Variants in CSMD3 observed in about 807,000 individuals in gnomAD.
The protein encoded by CSMD3 is CUB and Sushi multiple domains 3, also known as CUB and sushi domain-containing protein 3.
Under a neutral mutation model 435.2 loss-of-function variants are expected in CSMD3, and 177 were observed. That is an observed-to-expected ratio of 0.41 (90% CI 0.36 to 0.46). The LOEUF is 0.46. Among genes scored for constraint, CSMD3 ranks in the 20% least tolerant of loss-of-function variants. CSMD3 has a pLI of 0.34. For missense variants in CSMD3, 4,265 were observed against 4,504.6 expected, an observed-to-expected ratio of 0.95 and a Z score of 1.52; for synonymous variants, 1,656 against 1,520.5, an observed-to-expected ratio of 1.09 and a Z score of -2.07.
At chr8:112,488,405 G>A (rs948118322) in intron 31 of CSMD3, among the ~76,000 whole-genome samples, 3 of 152,148 alleles carry the variant, frequency 2.0e-5, no homozygotes, top group East Asian at 3.9e-4. Context: ...AAGAAAAAGC[G>A]AAATGTAGTT....
chr8:112,911,647 G>A (rs998431874), intron 10 of CSMD3, among the ~76,000 whole-genome samples: 5 of 3,992 alleles, frequency 1.3e-3, no homozygotes, highest in Admixed American at 4.8e-3. Context: ...ATATATGTGT[G>A]TGTGTGTGTG....
intron 32 of CSMD3, among the ~76,000 whole-genome samples, chr8:112,417,728 C>G (rs1812064977): frequency 6.6e-6 from 1 of 152,134 alleles, no homozygotes; most frequent in Admixed American, 6.5e-5. Context: ...TAATTATCAG[C>G]TTTCTTTTGG....
intron 53 of CSMD3, among the ~76,000 whole-genome samples, chr8:112,296,583 A>C (rs1483575742): frequency 6.6e-6 from 1 of 151,786 alleles, no homozygotes; most frequent in Non-Finnish European, 1.5e-5. Context: ...AAAAGAAAGA[A>C]AATATATCAA....
intron 27 of CSMD3, among the ~76,000 whole-genome samples, chr8:112,520,027 C>T (rs1001252878): frequency 2.2e-4 from 33 of 152,088 alleles, no homozygotes; most frequent in Non-Finnish European, 4.0e-4. Context: ...AGTCCAAAAA[C>T]CTACATATTT....
intron 6 of CSMD3, among the ~76,000 whole-genome samples, chr8:113,011,406 A>C (rs960128018): frequency 1.3e-5 from 2 of 151,830 alleles, no homozygotes; most frequent in Non-Finnish European, 2.9e-5. Flanking sequence ...TTACCAGGGT[A>C]TGTTTCACAG....
chr8:112,651,195 T>C (rs1197428242), intron 18 of CSMD3, among the ~76,000 whole-genome samples: 2 of 152,208 alleles, frequency 1.3e-5, no homozygotes, highest in Non-Finnish European at 2.9e-5. Context: ...ATATAGGATA[T>C]TTAAACAATG....
At chr8:113,134,883 A>T (rs2091376260) in intron 4 of CSMD3, among the ~76,000 whole-genome samples, 1 of 152,020 alleles carries the variant, frequency 6.6e-6, no homozygotes, top group South Asian at 2.1e-4. Context: ...TGCTGCATTA[A>T]GATATGGCAG....
At position 112,237,287 on chromosome 8, in the gene CSMD3, C is replaced by A. The variant is rs1813676603; in HGVS notation, c.10530G>T (p.Arg3510Ser). 6.2e-7 allele frequency: 1 copy of A among 1,613,386 alleles called. No individual in the cohort carries two copies. The highest frequency in any genetic ancestry group is 8.5e-7 in the Non-Finnish European group (1 of 1,179,486). ...TAACTGTTAAGGTCATGGGTTGTTTCCTTCCTTTGAAATTGTAAGAGCCTT... is the reference window on the plus strand; with the variant it reads ...TAACTGTTAAGGTCATGGGTTGTTTACTTCCTTTGAAATTGTAAGAGCCTT... ...IWKGSYNFKG[R>S]KQPMTLTVTS... The change falls in exon 67 of 71, where the codon AGG (arginine) becomes AGT (serine). Residue 3510 changes from arginine (R) to serine (S), a missense_variant. By Grantham distance (110) the Arg-to-Ser change is moderately radical. This residue lies in a region of CSMD3 where 3,255 missense variants were observed against 3,380.2 expected (regional missense o/e 0.96). Transcript: ENST00000297405.
chr8:113,016,598 A>G (rs2086468905), intron 6 of CSMD3, among the ~76,000 whole-genome samples: 1 of 152,026 alleles, frequency 6.6e-6, no homozygotes, highest in Admixed American at 6.6e-5. Context: ...TTAAATAATT[A>G]TAGGTAAATC....
intron 3 of CSMD3, among the ~76,000 whole-genome samples, chr8:113,229,880 C>T (rs979721796): frequency 6.6e-6 from 1 of 151,494 alleles, no homozygotes; most frequent in Non-Finnish European, 1.5e-5. Context: ...CCTGGTAATG[C>T]TTATTTTACT....
chr8:112,263,839 C>G (rs759019563), intron 60 of CSMD3, 27 bp from the exon 61 acceptor site: 5 of 1,594,718 alleles, frequency 3.1e-6, no homozygotes, highest in Non-Finnish European at 4.3e-6. Flanking sequence ...AGTGATTAGA[C>G]ACAGCTGTTG....
At chr8:113,146,043 C>A (rs2131753189) in intron 4 of CSMD3, among the ~76,000 whole-genome samples, 1 of 151,484 alleles carries the variant, frequency 6.6e-6, no homozygotes, top group Non-Finnish European at 1.5e-5. Flanking sequence ...GTTTTTATTT[C>A]TCAGTTAAAG....
chr8:113,385,377 A>G (rs2133123473), intron 1 of CSMD3, among the ~76,000 whole-genome samples: 1 of 152,244 alleles, frequency 6.6e-6, no homozygotes, highest in Non-Finnish European at 1.5e-5. Flanking sequence ...ACGATTTACC[A>G]ATGTCCTAAA....
chr8:112,592,494 TC>T (rs1423583917), intron 22 of CSMD3, among the ~76,000 whole-genome samples: 1 of 152,042 alleles, frequency 6.6e-6, no homozygotes, highest in Non-Finnish European at 1.5e-5. Context: ...AGCTACTTTT[TC>T]CCCTTAAACA....
chr8:112,304,684 T>C (rs756381195), intron 52 of CSMD3, 37 bp downstream of exon 52: 1 of 1,482,202 alleles, frequency 6.7e-7, no homozygotes. Context: ...TAACCAAACA[T>C]AGCTTATGAA....
intron 5 of CSMD3, among the ~76,000 whole-genome samples, chr8:113,064,787 TTTTA>T (rs1167825706): frequency 2.0e-5 from 3 of 152,274 alleles, no homozygotes; most frequent in Middle Eastern, 3.4e-3. Context: ...TTTTCTTTTC[TTTTA>T]TTTATTTTGG....
intron 27 of CSMD3, among the ~76,000 whole-genome samples, chr8:112,524,817 C>T (rs552016756): frequency 1.2e-4 from 18 of 151,906 alleles, no homozygotes; most frequent in Non-Finnish European, 2.1e-4. Flanking sequence ...GTACAAAAAG[C>T]ATCTTCTTTA....
chr8:112,486,013 C>T (rs1432122121), intron 31 of CSMD3, among the ~76,000 whole-genome samples: 4 of 150,130 alleles, frequency 2.7e-5, no homozygotes, highest in Non-Finnish European at 5.9e-5. Context: ...AAGAACAGAG[C>T]TAGCGCTGGC....
At position 112,223,817 on chromosome 8, in the gene CSMD3, A is replaced by G. The variant is rs542596257; in HGVS notation, c.*954T>C. 6.6e-6 allele frequency: 1 copy of G among 152,296 alleles called. No homozygotes were observed. Among genetic ancestry groups the G allele is most frequent in the Admixed American group, 6.5e-5 (1 of 15,278 alleles). 9.4% of individuals were successfully genotyped at this position (152,296 alleles called of 1,614,324 possible). On this transcript the variant is annotated 3_prime_UTR_variant, in exon 71 of 71. Coordinates refer to ENST00000297405, the MANE Select transcript of CSMD3 (RefSeq NM_198123.2). The stretch of plus-strand genomic sequence containing the variant: ...AAGGAAATGTAGATATAAATAGAGT[A>G]GATTATTAGGACATTTTATTTGGTC...
Sources: gnomAD v4.1 joint callset for allele counts (sites outside exome capture counted in the v4.1 genomes callset) on GRCh38, gnomAD v4.1.1 for gene constraint, gnomAD v4.1.1 regional missense constraint, MANE v1.5 for transcripts, NCBI Gene and HGNC (gene_info 2026-07-23, HGNC 2026-07-21) for gene names.